The following NAALADL2 variants were observed in gnomAD, a reference collection of about 807,000 sequenced individuals.
NAALADL2 encodes the protein N-acetylated alpha-linked acidic dipeptidase like 2.
Under a neutral mutation model 87.2 loss-of-function variants are expected in NAALADL2, and 76 were observed. The ratio of observed to expected loss-of-function variants is 0.87; its 90% confidence interval spans 0.72 to 1.05. The LOEUF is 1.05. Among genes scored for constraint, NAALADL2 ranks in the 50% least tolerant of loss-of-function variants. The probability of loss-of-function intolerance (pLI) is 0.00; values close to 1 mark genes in which losing one functional copy is unlikely to be tolerated. For synonymous variants in NAALADL2, 354 were observed against 331.0 expected, an observed-to-expected ratio of 1.07 and a Z score of -0.75; for missense variants, 1,089 against 945.8, an observed-to-expected ratio of 1.15 and a Z score of -1.99.
chr3:175,231,895 T>C (rs2862008), intron 2 of NAALADL2, among the ~76,000 whole-genome samples: 133,113 of 151,954 alleles, frequency 0.88, 58,496 homozygotes, highest in Middle Eastern at 0.94. Context: ...GTTTACCTGC[T>C]CTATCCCAAA....
chr3:175,095,158 C>G (rs77860763), intron 1 of NAALADL2, among the ~76,000 whole-genome samples: 8,407 of 152,060 alleles, frequency 0.055, 381 homozygotes, highest in African/African-American at 0.13. Context: ...TTCTTATTCT[C>G]TCTTTGTGTT....
intron 10 of NAALADL2, among the ~76,000 whole-genome samples, chr3:175,602,279 A>G (rs1723066661): frequency 6.6e-6 from 1 of 152,122 alleles, no homozygotes; most frequent in Non-Finnish European, 1.5e-5. Flanking sequence ...TCATGGAGTA[A>G]TAGTTAGCAT....
At chr3:175,279,979 C>A (rs1754078823) in intron 4 of NAALADL2, among the ~76,000 whole-genome samples, 1 of 151,618 alleles carries the variant, frequency 6.6e-6, no homozygotes, top group Non-Finnish European at 1.5e-5. Flanking sequence ...TTTCTCTTTT[C>A]TTTCTTGATG....
chr3:175,298,084 A>C (rs1347224721), intron 4 of NAALADL2, among the ~76,000 whole-genome samples: 2 of 152,122 alleles, frequency 1.3e-5, no homozygotes, highest in Admixed American at 6.6e-5. Flanking sequence ...ATGCATTTTC[A>C]TTTTATAACT....
rs904868272 is a variant in NAALADL2 at position 175,434,645 on chromosome 3, C to G, written c.1091-12584C>G. On this transcript the variant is annotated intron_variant, in intron 5 of 13. Transcript: ENST00000454872. ...TGGTTGCATACTTTTATAACAACAA[C>G]AAGAACAAAACACATTCATAGTTTA... Among the ~76,000 whole-genome samples the G allele has an allele frequency of 2.6e-5, 4 of 152,088 alleles. No individual in the cohort carries two copies. In the East Asian group the frequency reaches 5.8e-4, roughly 22 times the overall value.
chr3:174,756,953 A>AAAAACAAAAC (rs57152716), intron 3 of NAALADL2, among the ~76,000 whole-genome samples: 1 of 149,774 alleles, frequency 6.7e-6, no homozygotes, highest in Non-Finnish European at 1.5e-5. Flanking sequence ...TATAGACAAA[A>AAAAACAAAAC]AAAACAAAAC....
At chr3:175,298,521 C>T (rs1050114413) in intron 4 of NAALADL2, among the ~76,000 whole-genome samples, 1 of 152,034 alleles carries the variant, frequency 6.6e-6, no homozygotes, top group Admixed American at 6.6e-5. Flanking sequence ...TCCATTTGAA[C>T]TTCATATTTC....
chr3:175,084,278 C>T lies in NAALADL2; in HGVS notation c.44-12512C>T, dbSNP rs565592235. ...GATCAGGAATACAGGCAGGTCTCAGCTGGCCTATTTTTTTGCTCCACATGG... is the reference window on the plus strand; with the variant it reads ...GATCAGGAATACAGGCAGGTCTCAGTTGGCCTATTTTTTTGCTCCACATGG... On this transcript the variant is annotated intron_variant, in intron 1 of 13. Coordinates refer to ENST00000454872, the MANE Select transcript of NAALADL2 (RefSeq NM_207015.3). Among the ~76,000 whole-genome samples, 19 of 152,230 alleles carry T rather than the reference C, an allele frequency of 1.2e-4. No individual in the cohort carries two copies. In the South Asian group the frequency reaches 3.3e-3, roughly 27 times the overall value.
intron 3 of NAALADL2, among the ~76,000 whole-genome samples, chr3:174,749,360 A>G (rs939371763): frequency 1.3e-5 from 2 of 152,208 alleles, no homozygotes; most frequent in Non-Finnish European, 2.9e-5. Flanking sequence ...TAGTAAATCC[A>G]CAGGCAATGT....
intron 9 of NAALADL2, among the ~76,000 whole-genome samples, chr3:175,573,437 A>G (rs2149548463): frequency 6.6e-6 from 1 of 152,310 alleles, no homozygotes; most frequent in South Asian, 2.1e-4. Flanking sequence ...CGATTTCACA[A>G]ATTCAAATAC....
chr3:175,792,265 ATATT>A (rs887311488), intron 13 of NAALADL2, among the ~76,000 whole-genome samples: 17 of 152,192 alleles, frequency 1.1e-4, no homozygotes, highest in African/African-American at 3.9e-4. Context: ...TTCAAAGTTA[ATATT>A]TATTGTGTTA....
chr3:175,461,005 G>C (rs1341123905), intron 6 of NAALADL2, among the ~76,000 whole-genome samples: 2 of 152,212 alleles, frequency 1.3e-5, no homozygotes, highest in Non-Finnish European at 2.9e-5. Context: ...ACTGAGTGCT[G>C]ATTGGTCCAT....
intron 9 of NAALADL2, among the ~76,000 whole-genome samples, chr3:175,542,391 A>T (rs372672242): frequency 2.1e-4 from 32 of 152,336 alleles, no homozygotes; most frequent in African/African-American, 7.5e-4. Flanking sequence ...GTTTCCTGGC[A>T]TTTGTGGGAA....
intron 11 of NAALADL2, among the ~76,000 whole-genome samples, chr3:175,716,256 A>AATATATAATAT (rs1192259497): frequency 1.4e-5 from 2 of 143,564 alleles, no homozygotes; most frequent in African/African-American, 5.3e-5. Context: ...TATATAATAT[A>AATATATAATAT]TGTATATAAT....
chr3:175,287,569 GTTTGAAT>G (rs1373629489), intron 4 of NAALADL2, among the ~76,000 whole-genome samples: 2 of 152,218 alleles, frequency 1.3e-5, no homozygotes, highest in Non-Finnish European at 2.9e-5. Context: ...GACTGTGGGA[GTTTGAAT>G]TCAAGCCCAT....
rs1461552648 is a variant in NAALADL2 at position 174,930,216 on chromosome 3, T to C, written c.43+70766T>C. 2.0e-5 allele frequency among the ~76,000 whole-genome samples: 3 copies of C among 152,252 alleles called. No individual in the cohort carries two copies. The East Asian group carries it at 5.8e-4, about 29-fold the overall frequency. On this transcript the variant is annotated intron_variant, in intron 1 of 13. Coordinates refer to ENST00000454872, the MANE Select transcript of NAALADL2 (RefSeq NM_207015.3). ...TTTGGAAGTTCATGGGCAAGGTCAG[T>C]TTGGGCAGTTTTTAAAACCACAGGA...
chr3:174,623,598 T>C (rs1277271425), intron 2 of NAALADL2, among the ~76,000 whole-genome samples: 1 of 151,726 alleles, frequency 6.6e-6, no homozygotes, highest in African/African-American at 2.4e-5. Context: ...GGTGCGTCTG[T>C]GAGATTTTTT....
chr3:175,103,737 A>G (rs866659741), intron 2 of NAALADL2, among the ~76,000 whole-genome samples: 4 of 152,310 alleles, frequency 2.6e-5, no homozygotes, highest in Middle Eastern at 3.4e-3. Context: ...GGAAAGATAA[A>G]TTCCATAATT....
intron 11 of NAALADL2, among the ~76,000 whole-genome samples, chr3:175,719,562 A>G (rs543026667): frequency 2.0e-4 from 30 of 152,312 alleles, no homozygotes; most frequent in African/African-American, 5.5e-4. Flanking sequence ...ACTGCTTTAC[A>G]GTAATATTTT....
Sources: gnomAD v4.1 joint callset for allele counts (sites outside exome capture counted in the v4.1 genomes callset) on GRCh38, gnomAD v4.1.1 for gene constraint, MANE v1.5 for transcripts, NCBI Gene and HGNC (gene_info 2026-07-23, HGNC 2026-07-21) for gene names.